The following CTNND2 variants were observed in gnomAD, a reference collection of about 807,000 sequenced individuals.
CTNND2 encodes the protein catenin delta 2, also known as catenin delta-2.
A neutral mutation model predicts 144.4 loss-of-function variants in CTNND2; 22 were observed. The ratio of observed to expected loss-of-function variants is 0.15; its 90% CI spans 0.11 to 0.22. CTNND2 has a LOEUF of 0.22. CTNND2 is among the 10% of genes least tolerant of loss of function. CTNND2 has a pLI of 1.00. For missense variants in CTNND2, 1,353 were observed against 1,618.8 expected (o/e 0.84, Z 2.82); for synonymous variants, 751 against 695.6 (o/e 1.08, Z -1.25).
chr5:11,464,827 G>A (rs1395254185), intron 3 of CTNND2, among the ~76,000 whole-genome samples: 1 of 152,094 alleles, frequency 6.6e-6, no homozygotes, highest in Non-Finnish European at 1.5e-5. Flanking sequence ...CTTGGCTCCT[G>A]TATTTTATTA....
intron 2 of CTNND2, 76 bp downstream of exon 2, chr5:11,732,060 A>G: frequency 7.0e-7 from 1 of 1,419,172 alleles, no homozygotes; most frequent in South Asian, 1.3e-5. Flanking sequence ...ACATAATTTA[A>G]TCTTTAACGT....
chr5:11,018,263 A>G (rs926717967), intron 17 of CTNND2, among the ~76,000 whole-genome samples: 10 of 152,128 alleles, frequency 6.6e-5, no homozygotes, highest in Admixed American at 2.6e-4. Context: ...ATCAAGAAAT[A>G]TTGTGTGTTC....
chr5:11,856,020 T>C lies in CTNND2; in HGVS notation c.37+47797A>G, dbSNP rs77069299. 9.4e-3 allele frequency among the ~76,000 whole-genome samples: 1,427 copies of C among 152,342 alleles called. 10 individuals are homozygous for C. The highest frequency in any genetic ancestry group is 0.017 in the Middle Eastern group (5 of 294). ...AGCACTGAATGAATACTATGTGCAT[T>C]AAGAAATTGTGGTTAGTTTGGCAGG... On this transcript the variant is annotated intron_variant, in intron 1 of 21. Coordinates refer to ENST00000304623, the MANE Select transcript of CTNND2 (RefSeq NM_001332.4).
intron 7 of CTNND2, among the ~76,000 whole-genome samples, chr5:11,383,224 T>G (rs887804362): frequency 6.6e-6 from 1 of 152,122 alleles, no homozygotes; most frequent in African/African-American, 2.4e-5. Context: ...CTGGACTCCC[T>G]GCGCCTCAGT....
chr5:11,346,609 A>G lies in CTNND2; in HGVS notation c.1391T>C (p.Val464Ala), dbSNP rs1287603581. Residue 464 changes from valine to alanine, a missense_variant, in exon 9 of 22, where the codon GTC (valine) becomes GCC (alanine). By Grantham distance (64) the Val-to-Ala change is moderately conservative (BLOSUM62 0). This residue lies in a region of CTNND2 where 708 missense variants were observed against 706.4 expected (regional missense o/e 1.00). Transcript: ENST00000304623. The part of the protein sequence containing the change: ...RTSTAPSSPG[V>A]DSVPLQRTGS... ...TGTGCGCTGCAAGGGGACGGAGTCG[A>G]CACCAGGGGAAGATGGGGCTACGAC... 2 of 1,530,258 alleles carry G rather than the reference A, an allele frequency of 1.3e-6. No individual in the cohort carries two copies. Among genetic ancestry groups the G allele is most frequent in the Non-Finnish European group, 8.8e-7 (1 of 1,137,120 alleles). 94.8% of individuals were successfully genotyped at this position (1,530,258 alleles called of 1,614,324 possible).
At chr5:11,571,265 G>A (rs921646554) in intron 2 of CTNND2, among the ~76,000 whole-genome samples, 36 of 152,102 alleles carry the variant, frequency 2.4e-4, no homozygotes, top group African/African-American at 8.7e-4. Flanking sequence ...GACTGTTGGG[G>A]TGAAAGAGCT....
chr5:11,884,816 T>A (rs1213998471), intron 1 of CTNND2, among the ~76,000 whole-genome samples: 1 of 152,224 alleles, frequency 6.6e-6, no homozygotes, highest in Non-Finnish European at 1.5e-5. Context: ...CTGCCTTTAT[T>A]GTTTTGAGGC....
intron 12 of CTNND2, among the ~76,000 whole-genome samples, chr5:11,153,207 A>C (rs1392044593): frequency 1.3e-5 from 2 of 152,126 alleles, no homozygotes; most frequent in African/African-American, 4.8e-5. Flanking sequence ...GGTTGCAGTG[A>C]GCCGAGATCA....
At chr5:11,591,774 CTCTTTCTGA>C (rs1779254663) in intron 2 of CTNND2, among the ~76,000 whole-genome samples, 1 of 151,988 alleles carries the variant, frequency 6.6e-6, no homozygotes, top group African/African-American at 2.4e-5. Context: ...TTCCTTTATT[CTCTTTCTGA>C]TTTCTTTGTT....
At chr5:11,368,466 C>A (rs547901314) in intron 7 of CTNND2, among the ~76,000 whole-genome samples, 8 of 152,100 alleles carry the variant, frequency 5.3e-5, no homozygotes, top group African/African-American at 1.9e-4. Flanking sequence ...TTCTAGGGAC[C>A]CAGAGAGGTG....
At chr5:11,183,811 G>A (rs936529734) in intron 11 of CTNND2, among the ~76,000 whole-genome samples, 14 of 151,626 alleles carry the variant, frequency 9.2e-5, no homozygotes, top group Non-Finnish European at 1.9e-4. Context: ...CAATTGCCTC[G>A]GCCTCCCAAA....
chr5:11,136,262 A>C (rs537486056), intron 12 of CTNND2, among the ~76,000 whole-genome samples: 7 of 152,328 alleles, frequency 4.6e-5, no homozygotes, highest in African/African-American at 1.4e-4. Context: ...AGAGACTGCC[A>C]GCCTTTTTAG....
intron 9 of CTNND2, among the ~76,000 whole-genome samples, chr5:11,278,779 G>A (rs979725625): frequency 6.6e-6 from 1 of 152,124 alleles, no homozygotes; most frequent in African/African-American, 2.4e-5. Flanking sequence ...TGTGTCTGGG[G>A]CATCCCCAAA....
chr5:11,402,937 T>C (rs1378674847), intron 5 of CTNND2, among the ~76,000 whole-genome samples: 1 of 152,246 alleles, frequency 6.6e-6, no homozygotes, highest in Non-Finnish European at 1.5e-5. Context: ...GTCCTTGGCT[T>C]AATTAGTACG....
chr5:11,608,474 CT>C (rs1780169498), intron 2 of CTNND2, among the ~76,000 whole-genome samples: 1 of 152,170 alleles, frequency 6.6e-6, no homozygotes, highest in South Asian at 2.1e-4. Flanking sequence ...GTGGCCTTAT[CT>C]TTGTAAATGG....
chr5:11,496,678 G>A (rs1032280875), intron 3 of CTNND2, among the ~76,000 whole-genome samples: 1 of 152,046 alleles, frequency 6.6e-6, no homozygotes, highest in Non-Finnish European at 1.5e-5. Flanking sequence ...CCACAAATTT[G>A]GCAAATTTTG....
At chr5:11,729,655 T>C (rs1787224939) in intron 2 of CTNND2, among the ~76,000 whole-genome samples, 1 of 152,206 alleles carries the variant, frequency 6.6e-6, no homozygotes, top group Admixed American at 6.5e-5. Flanking sequence ...TCGACACACA[T>C]AAAATCTTAC....
At chr5:11,294,789 A>G (rs1748728381) in intron 9 of CTNND2, among the ~76,000 whole-genome samples, 1 of 152,210 alleles carries the variant, frequency 6.6e-6, no homozygotes, top group African/African-American at 2.4e-5. Context: ...ACAACCCTTC[A>G]TGCTAAAAAC....
intron 15 of CTNND2, among the ~76,000 whole-genome samples, chr5:11,089,348 T>G (rs1292048487): frequency 6.6e-6 from 1 of 152,204 alleles, no homozygotes; most frequent in Non-Finnish European, 1.5e-5. Context: ...GTGTGCTTCC[T>G]CACCTCCTCC....
Sources: gnomAD v4.1 joint callset for allele counts (sites outside exome capture counted in the v4.1 genomes callset) on GRCh38, gnomAD v4.1.1 for gene constraint, gnomAD v4.1.1 regional missense constraint, MANE v1.5 for transcripts, NCBI Gene and HGNC (gene_info 2026-07-23, HGNC 2026-07-21) for gene names.